UGT2A1: variants seen among roughly 807,000 people sequenced by gnomAD.
The protein encoded by UGT2A1 is UDP glucuronosyltransferase family 2 member A1 complex locus, also known as UDP-glucuronosyltransferase 2A1.
A neutral mutation model predicts 45.4 loss-of-function variants in UGT2A1; 61 were observed. That is an observed-to-expected ratio of 1.34 (90% confidence interval 1.09 to 1.66). The LOEUF is 1.66. Ranked by LOEUF, UGT2A1 falls within the 40% of genes most tolerant of loss-of-function variation. The pLI is 0.00. For synonymous variants in UGT2A1, 229 were observed against 196.2 expected, an observed-to-expected ratio of 1.17 and a Z score of -1.40; for missense variants, 649 against 574.3, an observed-to-expected ratio of 1.13 and a Z score of -1.33.
At chr4:69,618,227 GTGTGTGTGTGTA>G (rs1391846114) in intron 3 of UGT2A1, among the ~76,000 whole-genome samples, 11 of 150,922 alleles carry the variant, frequency 7.3e-5, no homozygotes, top group African/African-American at 2.7e-4. Flanking sequence ...ATGTTTGTGT[GTGTGTGTGTGTA>G]TGTGTGTGTT....
At chr4:69,621,867 T>C (rs920599903) in intron 3 of UGT2A1, among the ~76,000 whole-genome samples, 2 of 151,666 alleles carry the variant, frequency 1.3e-5, no homozygotes, top group Non-Finnish European at 2.9e-5. Context: ...TAGATGGAGC[T>C]GGGGGGAGGG....
rs768041250 is a variant in UGT2A1, at chr4:69,599,241, C to T, written c.996+5G>A. On this transcript the variant is annotated splice_donor_5th_base_variant and intron_variant, in intron 4 of 6. Coordinates refer to ENST00000286604, the MANE Select transcript of UGT2A1 (RefSeq NM_001252275.3). ...GCATAAAATCCTCCACTGTTGTAGA[C>T]CTACCTTAGGTAAAGGTTTGGCAGG... The T allele has an allele frequency of 6.2e-7, 1 of 1,612,456 alleles. No homozygotes were observed. The highest frequency in any genetic ancestry group is 1.1e-5 in the South Asian group (1 of 90,882).
At chr4:69,620,241 C>T (rs765583370) in intron 3 of UGT2A1, among the ~76,000 whole-genome samples, 4 of 151,890 alleles carry the variant, frequency 2.6e-5, no homozygotes, top group Admixed American at 6.6e-5. Context: ...ACCCCATAGT[C>T]TCAGCCCCAA....
At chr4:69,598,616 C>T (rs536469859) in intron 4 of UGT2A1, among the ~76,000 whole-genome samples, 9 of 152,206 alleles carry the variant, frequency 5.9e-5, no homozygotes, top group Non-Finnish European at 1.3e-4. Context: ...ACACTTTGTA[C>T]TACCTAAATG....
At chr4:69,607,450 T>C (rs1442220666) in intron 3 of UGT2A1, among the ~76,000 whole-genome samples, 1 of 151,890 alleles carries the variant, frequency 6.6e-6, no homozygotes, top group Admixed American at 6.6e-5. Context: ...ATGTTAGACC[T>C]AAAACCATAA....
At chr4:69,594,406 A>T (rs1185942728) in intron 6 of UGT2A1, 71 bp downstream of exon 6, 37 of 1,552,364 alleles carry the variant, frequency 2.4e-5, no homozygotes, top group Non-Finnish European at 3.2e-5. Context: ...AGTATAAAAG[A>T]ATGTACATTT....
At chr4:69,640,372 G>T (rs1203709366) in intron 2 of UGT2A1, among the ~76,000 whole-genome samples, 3 of 151,882 alleles carry the variant, frequency 2.0e-5, no homozygotes, top group African/African-American at 4.8e-5. Flanking sequence ...CAATCTTCTT[G>T]GTACAGAGTA....
At chr4:69,621,835 G>C (rs576190177) in intron 3 of UGT2A1, among the ~76,000 whole-genome samples, 1 of 151,982 alleles carries the variant, frequency 6.6e-6, no homozygotes, top group African/African-American at 2.4e-5. Context: ...AAAGGAAAGA[G>C]AACATGTTTT....
chr4:69,590,713 G>T (rs1405283817), intron 6 of UGT2A1, among the ~76,000 whole-genome samples: 1 of 151,858 alleles, frequency 6.6e-6, no homozygotes, highest in Non-Finnish European at 1.5e-5. Flanking sequence ...ATTTCACATG[G>T]ATCATCCGAA....
At chr4:69,639,546 A>G (rs767992296) in intron 2 of UGT2A1, 1 of 1,613,170 alleles carries the variant, frequency 6.2e-7, no homozygotes, top group Non-Finnish European at 8.5e-7. Context: ...CCAAATTAAC[A>G]CATTCCCACT....
chr4:69,616,773 T>C (rs1216234576), intron 3 of UGT2A1, among the ~76,000 whole-genome samples: 2 of 151,640 alleles, frequency 1.3e-5, no homozygotes, highest in Non-Finnish European at 2.9e-5. Context: ...CTGTAGCTTC[T>C]CATTATAATA....
chr4:69,618,471 T>G (rs4148289), intron 3 of UGT2A1, among the ~76,000 whole-genome samples: 53,387 of 151,602 alleles, frequency 0.35, 9,743 homozygotes, highest in African/African-American at 0.43. Flanking sequence ...TAACTTTGTT[T>G]ATTGAAAGGG....
At chr4:69,615,273 C>A (rs1278168651) in intron 3 of UGT2A1, among the ~76,000 whole-genome samples, 2 of 151,826 alleles carry the variant, frequency 1.3e-5, no homozygotes, top group Non-Finnish European at 2.9e-5. Context: ...GATTTAAAAC[C>A]CGAAACTTTG....
At chr4:69,616,273 T>C (rs1055571307) in intron 3 of UGT2A1, among the ~76,000 whole-genome samples, 1 of 151,920 alleles carries the variant, frequency 6.6e-6, no homozygotes, top group South Asian at 2.1e-4. Context: ...GCATGATTAA[T>C]AGCTACAAAA....
intron 2 of UGT2A1, among the ~76,000 whole-genome samples, chr4:69,646,420 T>C (rs1288855552): frequency 1.3e-5 from 2 of 151,856 alleles, no homozygotes; most frequent in Non-Finnish European, 2.9e-5. Context: ...TCAATGGTTG[T>C]AGTTCACACC....
At chr4:69,591,180 C>A (rs1718576789) in intron 6 of UGT2A1, among the ~76,000 whole-genome samples, 1 of 152,048 alleles carries the variant, frequency 6.6e-6, no homozygotes, top group Non-Finnish European at 1.5e-5. Context: ...TTATTTGTAG[C>A]AAAATATGAG....
At chr4:69,639,485 C>T in intron 2 of UGT2A1, 2 of 1,613,100 alleles carry the variant, frequency 1.2e-6, no homozygotes, top group Non-Finnish European at 1.7e-6. Context: ...TTCTTTGAAT[C>T]AACTCTTCTA....
rs867501413 is a variant in UGT2A1 at position 69,596,176 on chromosome 4, G to C, written c.997-927C>G. On this transcript the variant is annotated intron_variant, in intron 4 of 6. Transcript: ENST00000286604. Reference sequence around the variant, plus strand: ...TATAATGAGTTTTGATTTTCATATGGAAAGAACATTACTAGCTGCATTGTC... The same window carrying C: ...TATAATGAGTTTTGATTTTCATATGCAAAGAACATTACTAGCTGCATTGTC... The C allele has an allele frequency of 3.6e-6, 5 of 1,377,572 alleles. No homozygotes were observed. The African/African-American group carries it at 7.3e-5, about 20-fold the overall frequency. The allele number at this position is 1,377,572 out of a possible 1,614,324, so 85.3% of individuals were successfully genotyped here.
At chr4:69,630,552 A>G (rs1451268877) in intron 3 of UGT2A1, among the ~76,000 whole-genome samples, 1 of 152,144 alleles carries the variant, frequency 6.6e-6, no homozygotes, top group Non-Finnish European at 1.5e-5. Flanking sequence ...ATCACTGTGA[A>G]TATCAATACT....
Sources: allele counts gnomAD v4.1 joint callset (sites outside exome capture counted in the v4.1 genomes callset), GRCh38; gene constraint gnomAD v4.1.1; transcripts MANE v1.5; gene names NCBI Gene and HGNC (gene_info 2026-07-23, HGNC 2026-07-21).